Variants in SYNGR1 observed in about 807,000 individuals in gnomAD.
SYNGR1 encodes synaptogyrin-1.
In SYNGR1, 14 loss-of-function variants were observed where a neutral mutation model predicts 26.1. The ratio of observed to expected loss-of-function variants is 0.54; its 90% confidence interval spans 0.35 to 0.84. The LOEUF (loss-of-function observed/expected upper bound fraction) is 0.84. Ranked by LOEUF, SYNGR1 falls within the 40% of genes least tolerant of loss-of-function variation. SYNGR1 has a pLI of 0.01. For missense variants in SYNGR1, 319 were observed against 332.9 expected (o/e 0.96, Z 0.33); for synonymous variants, 141 against 150.1 (o/e 0.94, Z 0.44).
intron 1 of SYNGR1, among the ~76,000 whole-genome samples, chr22:39,370,478 G>A (rs925824508): frequency 2.6e-5 from 4 of 151,984 alleles, no homozygotes; most frequent in Non-Finnish European, 5.9e-5. Context: ...GTTTTACAAT[G>A]TTGCCCACGC....
chr22:39,359,284 C>G (rs1924341773), intron 1 of SYNGR1, among the ~76,000 whole-genome samples: 1 of 152,098 alleles, frequency 6.6e-6, no homozygotes, highest in Admixed American at 6.6e-5. Flanking sequence ...GCCCACTCCC[C>G]TTCATGATGA....
chr22:39,355,844 C>A (rs1054056438), intron 1 of SYNGR1, among the ~76,000 whole-genome samples: 3 of 152,116 alleles, frequency 2.0e-5, no homozygotes, highest in Non-Finnish European at 4.4e-5. Context: ...ATAGCGAAAC[C>A]CTATCTCTAC....
At chr22:39,374,174 C>T in intron 1 of SYNGR1, 142 bp from the exon 2 acceptor site, 1 of 715,364 alleles carries the variant, frequency 1.4e-6, no homozygotes, top group Non-Finnish European at 2.4e-6. Context: ...CTCTGGGGAT[C>T]CCCCTCTGAA....
intron 3 of SYNGR1, among the ~76,000 whole-genome samples, chr22:39,376,471 C>A (rs1047939499): frequency 2.1e-4 from 32 of 152,258 alleles, no homozygotes; most frequent in South Asian, 1.2e-3. Context: ...CCACCCCCCC[C>A]CCAAACCACT....
chr22:39,351,332 C>A (rs181987907), intron 1 of SYNGR1, among the ~76,000 whole-genome samples: 1 of 152,320 alleles, frequency 6.6e-6, no homozygotes, highest in East Asian at 1.9e-4. Flanking sequence ...GGGTATGTAT[C>A]CCTGGTCTGC....
chr22:39,352,408 G>A (rs535646023), intron 1 of SYNGR1, among the ~76,000 whole-genome samples: 11 of 152,188 alleles, frequency 7.2e-5, no homozygotes, highest in Non-Finnish European at 1.5e-4. Flanking sequence ...ATGGTTGCAC[G>A]GTAGGAATGT....
At chr22:39,373,273 A>G (rs977981214) in intron 1 of SYNGR1, among the ~76,000 whole-genome samples, 1 of 151,088 alleles carries the variant, frequency 6.6e-6, no homozygotes, top group Non-Finnish European at 1.5e-5. Flanking sequence ...GGTTCAAGTG[A>G]TTCTCCTGCC....
Position 39,385,215 on chromosome 22 carries a change from T to C in SYNGR1, c.*3301T>C, listed in dbSNP as rs1925622608. On this transcript the variant is annotated 3_prime_UTR_variant, in exon 4 of 4. Coordinates refer to ENST00000328933, the MANE Select transcript of SYNGR1 (RefSeq NM_004711.5). ...GGGAGAAGGGACTGGGCCGGCTGCC[T>C]CCCAGCGATGCACTTGACCTGACAC... 2 of 385,930 alleles carry C rather than the reference T, an allele frequency of 5.2e-6. No individual in the cohort carries two copies. Among genetic ancestry groups the C allele is most frequent in the South Asian group, 2.9e-4 (2 of 6,902 alleles). The allele number at this position is 385,930 out of a possible 1,614,324, so 23.9% of individuals were successfully genotyped here.
At chr22:39,360,431 C>T (rs946025665) in intron 1 of SYNGR1, among the ~76,000 whole-genome samples, 1 of 152,200 alleles carries the variant, frequency 6.6e-6, no homozygotes, top group African/African-American at 2.4e-5. Context: ...CCCTCCTCGC[C>T]ATCTTCTCAG....
intron 1 of SYNGR1, among the ~76,000 whole-genome samples, chr22:39,370,930 A>G (rs1177162036): frequency 1.3e-5 from 2 of 152,072 alleles, no homozygotes; most frequent in African/African-American, 4.8e-5. Context: ...CGGTCTCTAA[A>G]CTTTTAATCG....
At chr22:39,379,873 C>T (rs766101552) in intron 3 of SYNGR1, 5 of 152,206 alleles carry the variant, frequency 3.3e-5, no homozygotes, top group Non-Finnish European at 7.3e-5. Context: ...GCCACGGGCA[C>T]TTCCTTTTCT....
chr22:39,364,688 G>A (rs1434843076), intron 1 of SYNGR1, among the ~76,000 whole-genome samples: 2 of 152,194 alleles, frequency 1.3e-5, no homozygotes, highest in African/African-American at 4.8e-5. Flanking sequence ...AGAGTTGTCA[G>A]ACAGCCTGAG....
At chr22:39,377,825 A>G in intron 3 of SYNGR1, 1 of 1,526,736 alleles carries the variant, frequency 6.5e-7, no homozygotes. Context: ...GAACCAATTC[A>G]GGTTCTCCAC....
Position 39,350,177 on chromosome 22 carries a change from C to A in SYNGR1, c.99+68C>A. The stretch of plus-strand genomic sequence containing the variant: ...GGGGGTGTGAGCAAAGGCGGCGCGC[C>A]CGGACCGACCCCGACCCCGACCCCA... On this transcript the variant is annotated intron_variant, in intron 1 of 3. Transcript: ENST00000328933. This position sits in a 1 kb window ranked among gnomAD's most constrained non-coding sequence, Gnocchi z 4.3. 2 of 1,137,726 alleles carry A rather than the reference C, an allele frequency of 1.8e-6. No homozygotes were observed. The highest frequency in any genetic ancestry group is 1.1e-6 in the Non-Finnish European group (1 of 893,722). The allele number at this position is 1,137,726 out of a possible 1,614,324, so 70.5% of individuals were successfully genotyped here.
At chr22:39,366,498 TAGCC>T (rs1227091403) in intron 1 of SYNGR1, among the ~76,000 whole-genome samples, 1 of 152,000 alleles carries the variant, frequency 6.6e-6, no homozygotes, top group African/African-American at 2.4e-5. Flanking sequence ...ATATAAAACT[TAGCC>T]AGGTGCAGGA....
chr22:39,374,812 C>CTA lies in SYNGR1; in HGVS notation c.337+259_337+260insTA, dbSNP rs1347078588. The CTA allele has an allele frequency of 1.1e-4, 63 of 551,492 alleles. No individual in the cohort carries two copies. In the Admixed American group the frequency reaches 1.8e-3, roughly 15 times the overall value. The allele number at this position is 551,492 out of a possible 1,614,324, so 34.2% of individuals were successfully genotyped here. On this transcript the variant is annotated intron_variant, in intron 2 of 3. Transcript: ENST00000328933. ...CTAGTTCCTTCTAGTCTAAGGGACC[C>CTA]ATGGATGGCACTGGGCATGTGCCAG...
At chr22:39,362,108 A>C (rs938885662) in intron 1 of SYNGR1, among the ~76,000 whole-genome samples, 1 of 150,162 alleles carries the variant, frequency 6.7e-6, no homozygotes, top group Non-Finnish European at 1.5e-5. Context: ...TCGGCCTCCT[A>C]CATAGCTGGG....
chr22:39,375,805 C>T, intron 2 of SYNGR1: 1 of 631,966 alleles, frequency 1.6e-6, no homozygotes. Flanking sequence ...TCTGACTGGC[C>T]CTGACCCTGC....
rs777490166 is a variant in SYNGR1 at position 39,350,019 on chromosome 22, G to T, written c.9G>T (p.Gly3=). Reference sequence around the variant, plus strand: ...GCGCGGGTGCAGCCACGATGGAAGGGGGTGCGTACGGAGCGGGCAAAGCCG... The same window carrying T: ...GCGCGGGTGCAGCCACGATGGAAGGTGGTGCGTACGGAGCGGGCAAAGCCG... ME[G]GAYGAGKAGG... Residue 3 remains glycine, a synonymous_variant, in exon 1 of 4, where the codon GGG becomes GGT. Coordinates refer to ENST00000328933, the MANE Select transcript of SYNGR1 (RefSeq NM_004711.5). This position sits in a 1 kb window ranked among gnomAD's most constrained non-coding sequence, Gnocchi z 4.3. 1.5e-6 allele frequency: 2 copies of T among 1,359,702 alleles called. No individual in the cohort carries two copies. The highest frequency in any genetic ancestry group is 3.1e-5 in the South Asian group (2 of 65,490). 84.2% of individuals were successfully genotyped at this position (1,359,702 alleles called of 1,614,324 possible). A position where few individuals can be genotyped will look rare whatever the true frequency, so the allele number is the denominator to read the frequency against.
Sources: gnomAD v4.1 joint callset for allele counts (sites outside exome capture counted in the v4.1 genomes callset) on GRCh38, gnomAD v4.1.1 for gene constraint, Gnocchi (gnomAD v3.1) non-coding constraint, MANE v1.5 for transcripts, NCBI Gene and HGNC (gene_info 2026-07-23, HGNC 2026-07-21) for gene names.